Variants in CEP83 observed in about 807,000 individuals in gnomAD.
CEP83 encodes the protein centrosomal protein of 83 kDa.
In CEP83, 70 loss-of-function variants were observed where a neutral mutation model predicts 101.9. The ratio of observed to expected loss-of-function variants is 0.69; its 90% CI spans 0.57 to 0.84. The LOEUF is 0.84. Ranked by LOEUF, CEP83 falls within the 40% of genes least tolerant of loss-of-function variation. The probability of loss-of-function intolerance (pLI) is 0.00; values close to 1 mark genes in which losing one functional copy is unlikely to be tolerated. For synonymous variants in CEP83, 264 were observed against 267.9 expected (o/e 0.99, Z 0.14); for missense variants, 715 against 787.2 (o/e 0.91, Z 1.10).
intron 4 of CEP83, among the ~76,000 whole-genome samples, chr12:94,405,609 C>T: frequency 6.6e-6 from 1 of 152,182 alleles, no homozygotes; most frequent in East Asian, 1.9e-4. Context: ...CCCAGATTCG[C>T]TCTCTTGCCT....
intron 11 of CEP83, among the ~76,000 whole-genome samples, chr12:94,342,315 C>A (rs1487965621): frequency 6.6e-6 from 1 of 152,134 alleles, no homozygotes; most frequent in African/African-American, 2.4e-5. Flanking sequence ...ATTTGAAAAG[C>A]AGACATAAAG....
chr12:94,370,817 T>C (rs1182984375), intron 8 of CEP83, among the ~76,000 whole-genome samples: 1 of 151,964 alleles, frequency 6.6e-6, no homozygotes, highest in Non-Finnish European at 1.5e-5. Context: ...AGTGAGATCC[T>C]TTCTCTAAAA....
At chr12:94,287,549 A>G in the CEP83 span, among the ~76,000 whole-genome samples, 28 of 152,190 alleles carry the variant, frequency 1.8e-4, no homozygotes, top group African/African-American at 6.3e-4. Flanking sequence ...AATTTTCTCT[A>G]AAGATTACAC....
chr12:94,347,297 CAA>C (rs981574866), intron 11 of CEP83, among the ~76,000 whole-genome samples: 2 of 151,810 alleles, frequency 1.3e-5, no homozygotes, highest in Non-Finnish European at 2.9e-5. Flanking sequence ...TATAAGCACA[CAA>C]AAAGATGCTA....
intron 11 of CEP83, among the ~76,000 whole-genome samples, chr12:94,358,432 G>A (rs2060584004): frequency 6.6e-6 from 1 of 152,138 alleles, no homozygotes; most frequent in South Asian, 2.1e-4. Flanking sequence ...AATTTTTGAT[G>A]GCAGCCATTG....
At chr12:94,407,033 G>GA (rs983326678) in intron 4 of CEP83, among the ~76,000 whole-genome samples, 6 of 150,836 alleles carry the variant, frequency 4.0e-5, no homozygotes, top group African/African-American at 9.7e-5. Flanking sequence ...TACTGCAGAA[G>GA]AAAAAATCAA....
chr12:94,439,906 T>C (rs1444360284), intron 1 of CEP83, among the ~76,000 whole-genome samples: 2 of 152,170 alleles, frequency 1.3e-5, no homozygotes, highest in Non-Finnish European at 2.9e-5. Context: ...TCAATAAATG[T>C]AATACACCAT....
chr12:94,364,379 A>G lies in CEP83; in HGVS notation c.1343+3415T>C, dbSNP rs565775682. 2.5e-4 allele frequency among the ~76,000 whole-genome samples: 38 copies of G among 152,352 alleles called. No homozygotes were observed. The South Asian group carries it at 7.7e-3, about 31-fold the overall frequency. On this transcript the variant is annotated intron_variant, in intron 11 of 16. Transcript: ENST00000397809. ...TTAATATTCAAGTTGATATGAAAAA[A>G]CAAACATATAATTATAGCTAGGAAA...
In CEP83 at chr12:94,378,791, C is replaced by T. The variant is rs1206459962; in HGVS notation, c.801G>A (p.Glu267=). The T allele has an allele frequency of 3.1e-6, 5 of 1,613,740 alleles. No individual in the cohort carries two copies. The highest frequency in any genetic ancestry group is 4.2e-6 in the Non-Finnish European group (5 of 1,179,812). The change falls in exon 7 of 17, where the codon GAG becomes GAA. Residue 267 remains glutamate, a splice_region_variant and synonymous_variant. Coordinates refer to ENST00000397809, the MANE Select transcript of CEP83 (RefSeq NM_016122.3). ...TACTGGGAAGTAATTAGAATCTTAC[C>T]TCCAGGGATCTGACTGTAGCCTGCA... ...AEMQATVRSL[E]AEKQSANLRA...
intron 2 of CEP83, among the ~76,000 whole-genome samples, chr12:94,415,527 TTTC>T (rs1376322462): frequency 6.6e-6 from 1 of 152,106 alleles, no homozygotes; most frequent in East Asian, 1.9e-4. Flanking sequence ...AAAACAAGAT[TTTC>T]TTATTGATTG....
chr12:94,334,203 T>C (rs1471852413), intron 12 of CEP83, among the ~76,000 whole-genome samples: 5 of 152,302 alleles, frequency 3.3e-5, no homozygotes, highest in East Asian at 3.9e-4. Context: ...ACCTTCTGTA[T>C]GTCCAGTGCT....
chr12:94,368,111 A>T lies in CEP83; in HGVS notation c.1139T>A (p.Val380Glu), dbSNP rs747190591. 1.2e-6 allele frequency: 2 copies of T among 1,613,396 alleles called. No individual in the cohort carries two copies. The highest frequency in any genetic ancestry group is 1.7e-6 in the Non-Finnish European group (2 of 1,179,560). ...VEKDRELIRK[V>E]QAAKEEGYQK... Reference sequence around the variant, plus strand: ...ATAACCTTCTTCTTTGGCAGCTTGTACTTTACGTATTAATTCACGATCCTT... The same window carrying T: ...ATAACCTTCTTCTTTGGCAGCTTGTTCTTTACGTATTAATTCACGATCCTT... Residue 380 changes from valine to glutamate, a missense_variant, in exon 10 of 17, where the codon GTA becomes GAA. Coordinates refer to ENST00000397809, the MANE Select transcript of CEP83 (RefSeq NM_016122.3).
chr12:94,388,377 A>G (rs985604374), intron 6 of CEP83, among the ~76,000 whole-genome samples: 8 of 152,206 alleles, frequency 5.3e-5, no homozygotes, highest in Admixed American at 2.0e-4. Flanking sequence ...AGTGGGAGCT[A>G]AACACTGACT....
upstream of CEP83, chr12:94,460,251 C>T (rs1185859192): frequency 6.5e-6 from 1 of 152,706 alleles, no homozygotes; most frequent in East Asian, 1.9e-4. Context: ...GTCTCCCTAG[C>T]CTCCGCCCGA....
chr12:94,428,299 G>A (rs1180135497), intron 2 of CEP83, among the ~76,000 whole-genome samples: 2 of 152,038 alleles, frequency 1.3e-5, no homozygotes, highest in Non-Finnish European at 2.9e-5. Flanking sequence ...AATAACATGG[G>A]GACTTTCCAG....
chr12:94,435,763 C>G (rs1482159517), intron 1 of CEP83, among the ~76,000 whole-genome samples: 2 of 152,234 alleles, frequency 1.3e-5, no homozygotes, highest in Non-Finnish European at 2.9e-5. Flanking sequence ...CTGCCTGCAA[C>G]TCCCTGGCTA....
chr12:94,444,324 G>T (rs1348172010), intron 1 of CEP83, among the ~76,000 whole-genome samples: 2 of 152,052 alleles, frequency 1.3e-5, no homozygotes, highest in Non-Finnish European at 2.9e-5. Flanking sequence ...CTTGAACGTG[G>T]GATGCAGAGG....
intron 2 of CEP83, among the ~76,000 whole-genome samples, chr12:94,430,257 C>T (rs1258272480): frequency 1.3e-5 from 2 of 151,842 alleles, no homozygotes; most frequent in Non-Finnish European, 2.9e-5. Context: ...AATTCTCCAG[C>T]AACAAATCCC....
intron 11 of CEP83, among the ~76,000 whole-genome samples, chr12:94,361,777 C>T (rs2060775639): frequency 6.6e-6 from 1 of 151,928 alleles, no homozygotes; most frequent in Admixed American, 6.6e-5. Context: ...TCTCGGCTCA[C>T]CACAACCTCC....
Sources: allele counts gnomAD v4.1 joint callset (sites outside exome capture counted in the v4.1 genomes callset), GRCh38; gene constraint gnomAD v4.1.1; transcripts MANE v1.5; gene names NCBI Gene and HGNC (gene_info 2026-07-23, HGNC 2026-07-21).